DHX57: variants seen among roughly 807,000 people sequenced by gnomAD.
The protein encoded by DHX57 is putative ATP-dependent RNA helicase DHX57.
In DHX57, 105 loss-of-function variants were observed where a neutral mutation model predicts 156.2. That is an observed-to-expected ratio of 0.67 (90% CI 0.57 to 0.79). The LOEUF is 0.79. Ranked by LOEUF, DHX57 falls within the 30% of genes least tolerant of loss-of-function variation. The pLI is 0.00. For synonymous variants in DHX57, 704 were observed against 595.6 expected (o/e 1.18, Z -2.65); for missense variants, 1,847 against 1,661.9 (o/e 1.11, Z -1.94).
At chr2:38,833,662 A>G (rs1671498292) in intron 13 of DHX57, among the ~76,000 whole-genome samples, 1 of 152,200 alleles carries the variant, frequency 6.6e-6, no homozygotes, top group Non-Finnish European at 1.5e-5. Context: ...TGTTTAGTAC[A>G]GTAGTAGTAA....
chr2:38,825,426 C>T (rs907318229), intron 16 of DHX57, among the ~76,000 whole-genome samples: 1 of 152,264 alleles, frequency 6.6e-6, no homozygotes, highest in African/African-American at 2.4e-5. Context: ...CCTCAGCCTC[C>T]CAAGTAGCTG....
intron 14 of DHX57, among the ~76,000 whole-genome samples, chr2:38,827,905 G>A (rs1671185873): frequency 6.6e-6 from 1 of 152,090 alleles, no homozygotes; most frequent in Non-Finnish European, 1.5e-5. Context: ...TGCCCGGGCT[G>A]GAGCGCAATG....
At position 38,855,251 on chromosome 2, in the gene DHX57, A is replaced by T; in HGVS notation, c.1711T>A (p.Cys571Ser). 6.2e-7 allele frequency: 1 copy of T among 1,614,198 alleles called. No homozygotes were observed. The highest frequency in any genetic ancestry group is 8.5e-7 in the Non-Finnish European group (1 of 1,180,016). ...TGCGGAATTTGTGTGGTTTTCCCACATCTGTACATTAAAACAAATAAGTCC... is the reference window on the plus strand; with the variant it reads ...TGCGGAATTTGTGTGGTTTTCCCACTTCTGTACATTAAAACAAATAAGTCC... ...QVVVISGMTG[C>S]GKTTQIPQFI... Residue 571 changes from cysteine to serine, a missense_variant and splice_region_variant, in exon 8 of 24, where the codon TGT becomes AGT. Cys to Ser is a moderately radical substitution (Grantham distance 112, BLOSUM62 -1). Transcript: ENST00000457308.
At position 38,868,387 on chromosome 2, in the gene DHX57, T is replaced by G; in HGVS notation, c.19A>C (p.Arg7=). Residue 7 remains arginine (R), a synonymous_variant, in exon 2 of 24, where the codon AGA becomes CGA. Coordinates refer to ENST00000457308, the MANE Select transcript of DHX57 (RefSeq NM_198963.3). The stretch of plus-strand genomic sequence containing the variant: ...CCTCCTTTGCCTGGCTTGCCTTTTC[T>G]TCTTACTGAAGAACTCATTTTCACC... MSSSVR[R]KGKPGKGGGK... is the part of the protein sequence containing the mutation. 1 of 1,613,336 alleles carries G rather than the reference T, an allele frequency of 6.2e-7. No homozygotes were observed. The highest frequency in any genetic ancestry group is 1.3e-5 in the African/African-American group (1 of 75,042).
intron 22 of DHX57, among the ~76,000 whole-genome samples, chr2:38,805,309 G>C (rs1237692324): frequency 6.6e-6 from 1 of 152,142 alleles, no homozygotes; most frequent in Non-Finnish European, 1.5e-5. Context: ...CCAGAGGATA[G>C]AGCAGCCTGA....
At position 38,847,033 on chromosome 2, in the gene DHX57, T is replaced by C; in HGVS notation, c.2205A>G (p.Ala735=). The part of the protein sequence containing the change: ...FPVDQFFLED[A]IAVTRYVLQD... ...ATCTTCCTTACCTTGTCACAGCAAT[T>C]GCATCTTCCAAAAAAAATTGATCAA... is the stretch of plus-strand genomic sequence containing the variant. Residue 735 remains alanine (A), a synonymous_variant, in exon 11 of 24, where the codon GCA becomes GCG. Coordinates refer to ENST00000457308, the MANE Select transcript of DHX57 (RefSeq NM_198963.3). 6.2e-7 allele frequency: 1 copy of C among 1,613,492 alleles called. No individual in the cohort carries two copies. The highest frequency in any genetic ancestry group is 2.2e-5 in the East Asian group (1 of 44,864).
intron 5 of DHX57, among the ~76,000 whole-genome samples, chr2:38,860,715 C>G (rs1673148173): frequency 1.3e-5 from 2 of 152,206 alleles, no homozygotes; most frequent in Admixed American, 1.3e-4. Context: ...TTTCTGAGAA[C>G]GTACCTTAAG....
rs1670091243 is a variant in DHX57, at chr2:38,808,907, AGCC to A, written c.3682-2217_3682-2215del. ...CCAAAATGTTGGGATTGTAGGTATA[AGCC>A]ACCTTACCTGGCCTATTTTTAATTT... is the stretch of plus-strand genomic sequence containing the variant. On this transcript the variant is annotated intron_variant, in intron 21 of 23. Transcript: ENST00000457308. Among the ~76,000 whole-genome samples, 3 of 151,974 alleles carry A rather than the reference AGCC, an allele frequency of 2.0e-5. No homozygotes were observed. In the East Asian group the frequency reaches 5.8e-4, roughly 30 times the overall value.
intron 15 of DHX57, 27 bp from the exon 16 acceptor site, chr2:38,826,074 G>T: frequency 6.2e-7 from 1 of 1,602,596 alleles, no homozygotes; most frequent in East Asian, 2.3e-5. Flanking sequence ...AATATAAATT[G>T]AGTCATTTTA....
intron 23 of DHX57, 35 bp downstream of exon 23, chr2:38,802,680 C>G: frequency 6.2e-7 from 1 of 1,612,192 alleles, no homozygotes; most frequent in African/African-American, 1.3e-5. Flanking sequence ...CCCTCATGGC[C>G]TGAGCCTCAT....
intron 13 of DHX57, among the ~76,000 whole-genome samples, chr2:38,831,618 GC>G: frequency 6.6e-6 from 1 of 152,112 alleles, no homozygotes; most frequent in South Asian, 2.1e-4. Context: ...ACTTTGGGAG[GC>G]CAAAGCGGGC....
chr2:38,852,133 T>G (rs2124905483), intron 9 of DHX57, among the ~76,000 whole-genome samples: 1 of 152,052 alleles, frequency 6.6e-6, no homozygotes, highest in South Asian at 2.1e-4. Context: ...TTACTAATAA[T>G]AGTAATGTAT....
At chr2:38,798,613 G>A (rs1393262274) in intron 23 of DHX57, among the ~76,000 whole-genome samples, 171 bp from the exon 24 acceptor site, 1 of 152,144 alleles carries the variant, frequency 6.6e-6, no homozygotes, top group Non-Finnish European at 1.5e-5. Flanking sequence ...ACTAAATGAG[G>A]TCCATTGTAA....
At chr2:38,844,750 G>C (rs1329835628) in intron 11 of DHX57, among the ~76,000 whole-genome samples, 1 of 150,612 alleles carries the variant, frequency 6.6e-6, no homozygotes, top group Non-Finnish European at 1.5e-5. Context: ...GGGTGTTAAA[G>C]AATGACTAGA....
intron 22 of DHX57, 84 bp downstream of exon 22, chr2:38,806,475 G>T: frequency 6.7e-7 from 1 of 1,489,306 alleles, no homozygotes; most frequent in Non-Finnish European, 9.2e-7. Context: ...GCAAGTGATA[G>T]AACATGGTGT....
rs1432758406 is a variant in DHX57 at position 38,861,370 on chromosome 2, T to A, written c.1040A>T (p.Glu347Val). Reference protein sequence around the residue: ...SVDDSHLNAIEDASFLYELEI... With the variant: ...SVDDSHLNAIVDASFLYELEI... ...AAGTTCATATAAAAAAGATGCATCTTCAATAGCATTAAGATGAGAATCATC... is the reference window on the plus strand; with the variant it reads ...AAGTTCATATAAAAAAGATGCATCTACAATAGCATTAAGATGAGAATCATC... Residue 347 changes from glutamate to valine, a missense_variant, in exon 5 of 24, where the codon GAA becomes GTA. By Grantham distance (121) the Glu-to-Val change is moderately radical. Coordinates refer to ENST00000457308, the MANE Select transcript of DHX57 (RefSeq NM_198963.3). 1 of 1,613,744 alleles carries A rather than the reference T, an allele frequency of 6.2e-7. No homozygotes were observed. The highest frequency in any genetic ancestry group is 1.3e-5 in the African/African-American group (1 of 74,854).
intron 13 of DHX57, among the ~76,000 whole-genome samples, chr2:38,832,981 CTTTTTTTT>C (rs773309488): frequency 6.0e-5 from 6 of 99,594 alleles, no homozygotes; most frequent in Non-Finnish European, 8.6e-5. Flanking sequence ...AATGTCTATT[CTTTTTTTT>C]TTTTTTTTTT....
At chr2:38,814,016 CA>C (rs1670404355) in intron 20 of DHX57, 121 bp from the exon 21 acceptor site, 3 of 1,012,646 alleles carry the variant, frequency 3.0e-6, no homozygotes. Context: ...CAGCTTACTG[CA>C]ACCTCCGCCT....
chr2:38,821,304 A>G (rs1393481929), intron 17 of DHX57, among the ~76,000 whole-genome samples: 1 of 152,182 alleles, frequency 6.6e-6, no homozygotes, highest in Non-Finnish European at 1.5e-5. Flanking sequence ...TTAAGACACT[A>G]GAAAAAGAAG....
Sources: gnomAD v4.1 joint callset for allele counts (sites outside exome capture counted in the v4.1 genomes callset) on GRCh38, gnomAD v4.1.1 for gene constraint, MANE v1.5 for transcripts, NCBI Gene and HGNC (gene_info 2026-07-23, HGNC 2026-07-21) for gene names.